FGD4: variants seen among roughly 807,000 people sequenced by gnomAD.
FGD4 encodes the protein FYVE, RhoGEF and PH domain containing 4, also known as FYVE, RhoGEF and PH domain-containing protein 4.
A neutral mutation model predicts 102.0 loss-of-function variants in FGD4; 42 were observed. The observed-to-expected ratio is 0.41, with a 90% CI of 0.32 to 0.53. The LOEUF is 0.53. Ranked by LOEUF, FGD4 falls within the 20% of genes least tolerant of loss-of-function variation. The probability of loss-of-function intolerance (pLI) is 0.21; values close to 1 mark genes in which losing one functional copy is unlikely to be tolerated. For missense variants in FGD4, 902 were observed against 1,078.2 expected (o/e 0.84, Z 2.29); for synonymous variants, 380 against 375.7 (o/e 1.01, Z -0.13).
chr12:32,639,051 AT>A, intron 16 of FGD4: 1 of 934,820 alleles, frequency 1.1e-6, no homozygotes, highest in Non-Finnish European at 1.5e-6. Flanking sequence ...GATGAGTTGA[AT>A]TAGGAATGAG....
intron 1 of FGD4, among the ~76,000 whole-genome samples, chr12:32,554,949 G>A (rs1272396898): frequency 6.6e-6 from 1 of 152,236 alleles, no homozygotes; most frequent in Non-Finnish European, 1.5e-5. Context: ...AAGAACTTGA[G>A]ATTTTACTCT....
At chr12:32,626,464 A>G (rs1477645208) in intron 14 of FGD4, among the ~76,000 whole-genome samples, 5 of 146,274 alleles carry the variant, frequency 3.4e-5, no homozygotes, top group African/African-American at 1.0e-4. Flanking sequence ...AAAAAAAAAA[A>G]AGGGGGTTGA....
At chr12:32,596,571 T>C (rs932073434) in intron 4 of FGD4, among the ~76,000 whole-genome samples, 1 of 147,398 alleles carries the variant, frequency 6.8e-6, no homozygotes, top group Non-Finnish European at 1.5e-5. Flanking sequence ...GAATTATGTA[T>C]GCAATGGAAA....
intron 5 of FGD4, 111 bp downstream of exon 5, chr12:32,598,697 G>C (rs1347249914): frequency 1.1e-6 from 1 of 869,894 alleles, no homozygotes; most frequent in Non-Finnish European, 1.9e-6. Flanking sequence ...TTTTTGGCTA[G>C]TGAAAGGTAC....
At chr12:32,446,441 C>A (rs916706394) in intron 1 of FGD4, among the ~76,000 whole-genome samples, 20 of 152,072 alleles carry the variant, frequency 1.3e-4, no homozygotes, top group African/African-American at 4.6e-4. Flanking sequence ...TGTCTAATGG[C>A]AGTACACACG....
intron 1 of FGD4, among the ~76,000 whole-genome samples, chr12:32,470,473 T>A (rs1943387843): frequency 6.7e-6 from 1 of 149,326 alleles, no homozygotes; most frequent in Non-Finnish European, 1.5e-5. Flanking sequence ...CTTTTTTTTT[T>A]TTTTTTTTGA....
Position 32,438,237 on chromosome 12 carries a change from C to T in FGD4, c.166+38278C>T, listed in dbSNP as rs148502244. On this transcript the variant is annotated intron_variant, in intron 1 of 16. Coordinates refer to ENST00000534526, the MANE Select transcript of FGD4 (RefSeq NM_001370298.3). ...TTCTTCCCATCTTAGAAAATACTGA[C>T]TTCTCACTTGCCTTATTGAAATGGT... Among the ~76,000 whole-genome samples the T allele has an allele frequency of 2.8e-4, 42 of 152,332 alleles. No homozygotes were observed. The East Asian group carries it at 8.1e-3, about 29-fold the overall frequency.
intron 4 of FGD4, among the ~76,000 whole-genome samples, chr12:32,596,906 G>T (rs531624335): frequency 8.0e-5 from 12 of 149,838 alleles, no homozygotes; most frequent in Non-Finnish European, 4.4e-5. Flanking sequence ...TTGCACTCCA[G>T]CCTGGGCAAC....
chr12:32,632,709 A>ATTTTTTTTTTTTTTT (rs1218752600), intron 14 of FGD4, among the ~76,000 whole-genome samples: 1 of 124,408 alleles, frequency 8.0e-6, no homozygotes, highest in African/African-American at 3.2e-5. Flanking sequence ...TTATTTATTT[A>ATTTTTTTTTTTTTTT]TTTATTTTTT....
chr12:32,619,855 T>C lies in FGD4; in HGVS notation c.1907T>C (p.Leu636Pro). The C allele has an allele frequency of 1.2e-6, 2 of 1,614,156 alleles. No individual in the cohort carries two copies. Among genetic ancestry groups the C allele is most frequent in the Non-Finnish European group, 1.7e-6 (2 of 1,180,028 alleles). The change falls in exon 11 of 17, where the codon CTG (leucine) becomes CCG (proline). Residue 636 changes from leucine (L) to proline (P), a missense_variant. Around this residue, in one of 2 missense-constraint regions of FGD4, gnomAD observed 459 missense variants for 619.0 expected, o/e 0.74. Transcript: ENST00000534526. ...TFQVSGKERTLELQASSAQDK... is the reference protein window; with the variant it reads ...TFQVSGKERTPELQASSAQDK... ...CAGGTGTCTGGGAAAGAGAGAACAC[T>C]GGAACTGCAGGCCAGGTAAGGGAAC...
chr12:32,431,633 G>A (rs1334022052), intron 1 of FGD4, among the ~76,000 whole-genome samples: 1 of 151,972 alleles, frequency 6.6e-6, no homozygotes, highest in Non-Finnish European at 1.5e-5. Flanking sequence ...TCTGGGCCGG[G>A]CGCAGTGGCT....
intron 2 of FGD4, among the ~76,000 whole-genome samples, chr12:32,573,844 T>C (rs1415401011): frequency 6.6e-6 from 1 of 152,208 alleles, no homozygotes; most frequent in Non-Finnish European, 1.5e-5. Context: ...ACACACTAAG[T>C]ATAATGTTCC....
chr12:32,625,480 G>T (rs1467838847), intron 13 of FGD4, among the ~76,000 whole-genome samples, 174 bp from the exon 14 acceptor site: 8 of 151,980 alleles, frequency 5.3e-5, no homozygotes, highest in African/African-American at 1.9e-4. Context: ...ATGTTGGCCA[G>T]ACTGGTCTTG....
intron 1 of FGD4, among the ~76,000 whole-genome samples, chr12:32,526,006 C>T (rs1409930399): frequency 2.0e-5 from 3 of 152,274 alleles, no homozygotes; most frequent in Non-Finnish European, 4.4e-5. Flanking sequence ...GCACCACCCC[C>T]TGCTCCACGG....
At chr12:32,457,031 T>A (rs1028235403) in intron 1 of FGD4, among the ~76,000 whole-genome samples, 3 of 152,234 alleles carry the variant, frequency 2.0e-5, no homozygotes, top group African/African-American at 7.2e-5. Context: ...TGGTGTATCC[T>A]ATTCTAAGCT....
chr12:32,469,104 G>A (rs1173487279), intron 1 of FGD4, among the ~76,000 whole-genome samples: 2 of 151,986 alleles, frequency 1.3e-5, no homozygotes, highest in Non-Finnish European at 2.9e-5. Flanking sequence ...GGGGTTATAG[G>A]CATGAGCCAT....
intron 1 of FGD4, among the ~76,000 whole-genome samples, chr12:32,545,784 C>A (rs1197209666): frequency 6.6e-6 from 1 of 152,172 alleles, no homozygotes; most frequent in African/African-American, 2.4e-5. Context: ...GAATTCATAT[C>A]TATGCAGCTC....
intron 7 of FGD4, among the ~76,000 whole-genome samples, chr12:32,604,167 A>G (rs1428167511): frequency 6.6e-6 from 1 of 151,634 alleles, no homozygotes; most frequent in Non-Finnish European, 1.5e-5. Context: ...TTTAAATATG[A>G]TGTGTCTGGG....
intron 1 of FGD4, among the ~76,000 whole-genome samples, chr12:32,442,189 G>A (rs1024475812): frequency 1.3e-5 from 2 of 152,020 alleles, no homozygotes; most frequent in Admixed American, 6.6e-5. Context: ...AAGTAGCTGG[G>A]ACAACAGGCA....
Sources: gnomAD v4.1 joint callset for allele counts (sites outside exome capture counted in the v4.1 genomes callset) on GRCh38, gnomAD v4.1.1 for gene constraint, gnomAD v4.1.1 regional missense constraint, MANE v1.5 for transcripts, NCBI Gene and HGNC (gene_info 2026-07-23, HGNC 2026-07-21) for gene names.